The following SERPINE2 variants were observed in gnomAD, a reference collection of about 807,000 sequenced individuals.
The protein encoded by SERPINE2 is glia-derived nexin.
In SERPINE2, 14 loss-of-function variants were observed where a neutral mutation model predicts 36.3. The ratio of observed to expected loss-of-function variants is 0.39; its 90% CI spans 0.25 to 0.60. The LOEUF is 0.60. Ranked by LOEUF, SERPINE2 falls within the 20% of genes least tolerant of loss-of-function variation. The pLI is 0.57. For synonymous variants in SERPINE2, 192 were observed against 191.8 expected, an observed-to-expected ratio of 1.00 and a Z score of -0.01; for missense variants, 418 against 499.6, an observed-to-expected ratio of 0.84 and a Z score of 1.56.
At chr2:223,986,184 T>C (rs1195631516) in intron 4 of SERPINE2, among the ~76,000 whole-genome samples, 1 of 152,110 alleles carries the variant, frequency 6.6e-6, no homozygotes, top group Non-Finnish European at 1.5e-5. Context: ...TGAAATATCA[T>C]AAAAATACTG....
At chr2:224,031,424 G>A (rs1227402259) in intron 1 of SERPINE2, 39 of 985,436 alleles carry the variant, frequency 4.0e-5, no homozygotes, top group Non-Finnish European at 4.7e-5. Context: ...AAAGGCAGCT[G>A]GGGAACGCCA....
At chr2:223,998,680 C>A (rs993069647) in intron 2 of SERPINE2, among the ~76,000 whole-genome samples, 2 of 152,124 alleles carry the variant, frequency 1.3e-5, no homozygotes, top group Admixed American at 6.5e-5. Flanking sequence ...CGGGCCCCTG[C>A]ATACAGCCTG....
intron 1 of SERPINE2, chr2:224,031,515 T>C (rs965315924): frequency 2.0e-6 from 2 of 985,310 alleles, no homozygotes; most frequent in African/African-American, 1.8e-5. Flanking sequence ...TCATAGAACC[T>C]CCCTCCTCCG....
At chr2:224,005,768 G>T (rs151332822) in intron 1 of SERPINE2, among the ~76,000 whole-genome samples, 72 of 152,252 alleles carry the variant, frequency 4.7e-4, no homozygotes, top group African/African-American at 1.6e-3. Context: ...TAAGAGTGCT[G>T]CCCAAATGTA....
intron 1 of SERPINE2, 126 bp from the exon 2 acceptor site, chr2:224,002,048 C>T (rs1396543938): frequency 1.2e-6 from 1 of 846,550 alleles, no homozygotes; most frequent in Admixed American, 2.9e-5. Flanking sequence ...GCCATCTCAG[C>T]TCACTGCAAC....
Position 223,992,719 on chromosome 2 carries a change from A to G in SERPINE2, c.488-719T>C, listed in dbSNP as rs372000828. ...AAATGAGAAACGTTTGAGGTAACTGAAATGTTAATTACTCTAATTTGATCA... is the reference window on the plus strand; with the variant it reads ...AAATGAGAAACGTTTGAGGTAACTGGAATGTTAATTACTCTAATTTGATCA... On this transcript the variant is annotated intron_variant, in intron 3 of 8. Coordinates refer to ENST00000409304, the MANE Select transcript of SERPINE2 (RefSeq NM_001136528.2). Among the ~76,000 whole-genome samples the G allele has an allele frequency of 5.3e-5, 8 of 152,250 alleles. No homozygotes were observed. In the East Asian group the frequency reaches 1.2e-3, roughly 22 times the overall value.
At chr2:224,036,182 C>G (rs1692528683) in intron 1 of SERPINE2, among the ~76,000 whole-genome samples, 1 of 152,102 alleles carries the variant, frequency 6.6e-6, no homozygotes, top group Admixed American at 6.5e-5. Context: ...CAATCTGGGA[C>G]TCGCTTCATA....
At chr2:224,012,893 T>C (rs1436072342) in intron 1 of SERPINE2, among the ~76,000 whole-genome samples, 1 of 152,062 alleles carries the variant, frequency 6.6e-6, no homozygotes, top group Non-Finnish European at 1.5e-5. Flanking sequence ...TTAATAAAAA[T>C]GGTATTTACT....
chr2:224,003,445 A>T (rs1370129260), intron 1 of SERPINE2, among the ~76,000 whole-genome samples: 1 of 152,228 alleles, frequency 6.6e-6, no homozygotes, highest in Non-Finnish European at 1.5e-5. Context: ...CCATAAGCAC[A>T]CTGCTTTTAA....
intron 3 of SERPINE2, among the ~76,000 whole-genome samples, chr2:223,997,632 G>T (rs1421366193): frequency 6.6e-6 from 1 of 152,126 alleles, no homozygotes; most frequent in South Asian, 2.1e-4. Context: ...AATCGGGGGG[G>T]TGTAAAAGTT....
chr2:224,011,990 G>A (rs17196253), intron 1 of SERPINE2, among the ~76,000 whole-genome samples: 35,473 of 152,074 alleles, frequency 0.23, 4,561 homozygotes, highest in African/African-American at 0.34. Context: ...AATTACTAGT[G>A]GGAGTTGAAG....
chr2:224,007,891 T>C (rs141769003), intron 1 of SERPINE2, among the ~76,000 whole-genome samples: 1 of 152,356 alleles, frequency 6.6e-6, no homozygotes, highest in East Asian at 1.9e-4. Context: ...GTCCTTCCTG[T>C]AAACTGTTAG....
At position 223,992,575 on chromosome 2, in the gene SERPINE2, A is replaced by G. The variant is rs78644585; in HGVS notation, c.488-575T>C. ...TCTCTGGGTATCACAAGGCCTCCTAACTGCTTAAAGAAGAAAGGAAACAAA... is the reference window on the plus strand; with the variant it reads ...TCTCTGGGTATCACAAGGCCTCCTAGCTGCTTAAAGAAGAAAGGAAACAAA... On this transcript the variant is annotated intron_variant, in intron 3 of 8. Coordinates refer to ENST00000409304, the MANE Select transcript of SERPINE2 (RefSeq NM_001136528.2). 3.6e-3 allele frequency among the ~76,000 whole-genome samples: 543 copies of G among 152,304 alleles called. 24 individuals are homozygous for G. The East Asian group carries it at 0.086, about 24-fold the overall frequency.
intron 1 of SERPINE2, among the ~76,000 whole-genome samples, chr2:224,016,666 C>A (rs938984021): frequency 6.6e-6 from 1 of 152,086 alleles, no homozygotes; most frequent in East Asian, 1.9e-4. Context: ...CACATAAAAA[C>A]CTGTATACCA....
chr2:223,989,334 G>A (rs1277197056), intron 4 of SERPINE2, among the ~76,000 whole-genome samples: 2 of 152,222 alleles, frequency 1.3e-5, no homozygotes, highest in Non-Finnish European at 2.9e-5. Flanking sequence ...GAATGACAAT[G>A]TTTTGGCAAA....
rs71058976 is a variant in SERPINE2 at position 224,005,065 on chromosome 2, T to TTATATATATATATA, written c.-22-3157_-22-3144dup. Among the ~76,000 whole-genome samples, 94 of 33,494 alleles carry TTATATATATATATA rather than the reference T, an allele frequency of 2.8e-3. 1 individual carries two copies. The highest frequency in any genetic ancestry group is 0.016 in the Middle Eastern group (1 of 62). The allele number at this position is 33,494 out of a possible 152,430, so 22.0% of individuals were successfully genotyped here. On this transcript the variant is annotated intron_variant, in intron 1 of 8. Coordinates refer to ENST00000409304, the MANE Select transcript of SERPINE2 (RefSeq NM_001136528.2). ...ATATATTTTATATATTTTATATATATTATATATATATATATATATATATAT... is the reference window on the plus strand; with the variant it reads ...ATATATTTTATATATTTTATATATATTATATATATATATATATATATATATATATATATATATAT...
At chr2:224,038,680 C>G (rs1267394951) in intron 1 of SERPINE2, 8 of 659,172 alleles carry the variant, frequency 1.2e-5, no homozygotes, top group Admixed American at 4.7e-5. Flanking sequence ...CGGCGGCGCG[C>G]AGCCTAAGTC....
intron 5 of SERPINE2, among the ~76,000 whole-genome samples, chr2:223,983,914 C>T (rs1437771437): frequency 2.0e-5 from 3 of 151,248 alleles, no homozygotes; most frequent in African/African-American, 7.3e-5. Context: ...TACGATGCCA[C>T]CATCTTATTT....
At position 224,001,799 on chromosome 2, in the gene SERPINE2, C is replaced by T. The variant is rs756815633; in HGVS notation, c.102G>A (p.Thr34=). The T allele has an allele frequency of 9.3e-6, 15 of 1,614,050 alleles. No homozygotes were observed. Among genetic ancestry groups the T allele is most frequent in the Admixed American group, 6.7e-5 (4 of 60,002 alleles). ...CAATCTGATTGAAAACCTGGATCCC[C>T]GTGTTGGAGCCTAGTTCCTCGAGAG... is the stretch of plus-strand genomic sequence containing the variant. ...PLSLEELGSN[T]GIQVFNQIVK... Residue 34 remains threonine (T), a synonymous_variant, in exon 2 of 9, where the codon ACG becomes ACA. Transcript: ENST00000409304.
Sources: allele counts gnomAD v4.1 joint callset (sites outside exome capture counted in the v4.1 genomes callset), GRCh38; gene constraint gnomAD v4.1.1; transcripts MANE v1.5; gene names NCBI Gene and HGNC (gene_info 2026-07-23, HGNC 2026-07-21).